RICTOR: variants seen among roughly 807,000 people sequenced by gnomAD.
The protein encoded by RICTOR is RPTOR independent companion of MTOR complex 2, also known as rapamycin-insensitive companion of mTOR.
Under a neutral mutation model 214.9 loss-of-function variants are expected in RICTOR, and 49 were observed. That is an observed-to-expected ratio of 0.23 (90% CI 0.18 to 0.29). The LOEUF is 0.29. Ranked by LOEUF, RICTOR falls within the 10% of genes least tolerant of loss-of-function variation. RICTOR has a pLI of 1.00. For synonymous variants in RICTOR, 717 were observed against 711.3 expected, an observed-to-expected ratio of 1.01 and a Z score of -0.13; for missense variants, 1,625 against 2,047.0, an observed-to-expected ratio of 0.79 and a Z score of 3.98.
chr5:39,045,664 T>C (rs1554010771), intron 2 of RICTOR, among the ~76,000 whole-genome samples: 1 of 152,302 alleles, frequency 6.6e-6, no homozygotes, highest in East Asian at 1.9e-4. Flanking sequence ...TCCAGTCTAT[T>C]AGAATTATTT....
At chr5:39,034,866 C>T (rs947256556) in intron 2 of RICTOR, among the ~76,000 whole-genome samples, 6 of 152,258 alleles carry the variant, frequency 3.9e-5, no homozygotes, top group African/African-American at 1.4e-4. Flanking sequence ...GCCTGCCTGC[C>T]TCTGTAGGCT....
At chr5:39,061,093 C>T (rs563926676) in intron 2 of RICTOR, among the ~76,000 whole-genome samples, 6 of 152,082 alleles carry the variant, frequency 3.9e-5, no homozygotes, top group South Asian at 2.1e-4. Context: ...TGTTCAAAGA[C>T]GATTAAACAT....
intron 2 of RICTOR, among the ~76,000 whole-genome samples, chr5:39,070,974 A>G (rs548902371): frequency 2.0e-5 from 3 of 152,360 alleles, no homozygotes; most frequent in African/African-American, 7.2e-5. Flanking sequence ...CGCTGACTGT[A>G]AAGTCTACTA....
chr5:39,043,733 G>A (rs1757315855), intron 2 of RICTOR, among the ~76,000 whole-genome samples: 1 of 152,166 alleles, frequency 6.6e-6, no homozygotes, highest in Non-Finnish European at 1.5e-5. Context: ...GTGGGGTCTT[G>A]AAGAGGTGAC....
In RICTOR at chr5:38,956,170, C is replaced by T. The variant is rs547408498; in HGVS notation, c.2500-466G>A. On this transcript the variant is annotated intron_variant, in intron 25 of 37. Transcript: ENST00000357387. Reference sequence around the variant, plus strand: ...ATGCGTCCTCATCTAATCAACCTAACTACCAGTGAAGTTCAGGCACTCATC... The same window carrying T: ...ATGCGTCCTCATCTAATCAACCTAATTACCAGTGAAGTTCAGGCACTCATC... Among the ~76,000 whole-genome samples, 6 of 152,182 alleles carry T rather than the reference C, an allele frequency of 3.9e-5. No individual in the cohort carries two copies. In the South Asian group the frequency reaches 1.2e-3, roughly 32 times the overall value.
In RICTOR at chr5:38,962,470, A is replaced by G; in HGVS notation, c.1668+15T>C. The G allele has an allele frequency of 7.5e-7, 1 of 1,335,400 alleles. No individual in the cohort carries two copies. The highest frequency in any genetic ancestry group is 1.1e-6 in the Non-Finnish European group (1 of 950,532). 82.7% of individuals were successfully genotyped at this position (1,335,400 alleles called of 1,614,324 possible). A position where few individuals can be genotyped will look rare whatever the true frequency, so the allele number is the denominator to read the frequency against. On this transcript the variant is annotated intron_variant, in intron 18 of 37. Transcript: ENST00000357387. ...AATTAAAGACAAGCCATTACCATGA[A>G]GTATCTTTTCATACCTTAAGAATGG...
intron 22 of RICTOR, 103 bp from the exon 23 acceptor site, chr5:38,958,934 G>A: frequency 2.3e-6 from 2 of 858,892 alleles, no homozygotes; most frequent in South Asian, 2.6e-5. Context: ...AGGGAAGAAT[G>A]CCTGGAATTG....
At chr5:39,052,606 A>G (rs1019485127) in intron 2 of RICTOR, among the ~76,000 whole-genome samples, 1 of 152,208 alleles carries the variant, frequency 6.6e-6, no homozygotes, top group African/African-American at 2.4e-5. Context: ...AAGGTTTCCC[A>G]TAATTTGCAG....
chr5:39,066,811 C>T (rs1455467621), intron 2 of RICTOR, among the ~76,000 whole-genome samples: 4 of 152,218 alleles, frequency 2.6e-5, no homozygotes, highest in African/African-American at 4.8e-5. Context: ...AAGTGCTTTG[C>T]TAAAGCATAA....
At chr5:38,968,527 T>A (rs895788311) in intron 11 of RICTOR, among the ~76,000 whole-genome samples, 1 of 151,604 alleles carries the variant, frequency 6.6e-6, no homozygotes, top group African/African-American at 2.4e-5. Context: ...GAGGACTGCT[T>A]GAGGCCAGAA....
chr5:39,025,917 C>G (rs998059497), intron 2 of RICTOR, among the ~76,000 whole-genome samples: 2 of 152,164 alleles, frequency 1.3e-5, no homozygotes, highest in African/African-American at 4.8e-5. Context: ...AGTCTGTCAA[C>G]CCTTAGAGTG....
intron 2 of RICTOR, among the ~76,000 whole-genome samples, chr5:39,073,586 G>A (rs1759484495): frequency 6.6e-6 from 1 of 152,202 alleles, no homozygotes; most frequent in Admixed American, 6.5e-5. Context: ...TCACTACCAA[G>A]TTATCAATGC....
At chr5:38,968,167 C>A in intron 11 of RICTOR, 137 bp from the exon 12 acceptor site, 1 of 612,396 alleles carries the variant, frequency 1.6e-6, no homozygotes, top group South Asian at 2.0e-5. Flanking sequence ...ATATTTTAGT[C>A]AATGATGGAC....
At chr5:39,051,921 TCTTA>T (rs995597848) in intron 2 of RICTOR, among the ~76,000 whole-genome samples, 14 of 152,236 alleles carry the variant, frequency 9.2e-5, no homozygotes, top group South Asian at 4.1e-4. Flanking sequence ...CTTAAAATTT[TCTTA>T]CTTTAAGATA....
chr5:38,944,907 A>T lies in RICTOR; in HGVS notation c.4789+6T>A. ...ATAATGATTGGATTTGAATCTGAAG[A>T]CTCACCTAGTAACAATTCTGTGCTT... is the stretch of plus-strand genomic sequence containing the variant. On this transcript the variant is annotated splice_donor_region_variant and intron_variant, in intron 35 of 37. Coordinates refer to ENST00000357387, the MANE Select transcript of RICTOR (RefSeq NM_152756.5). The T allele has an allele frequency of 1.2e-6, 2 of 1,612,406 alleles. No homozygotes were observed. The highest frequency in any genetic ancestry group is 1.7e-6 in the Non-Finnish European group (2 of 1,178,700).
In RICTOR at chr5:38,942,845, T is replaced by C. The variant is rs144933042; in HGVS notation, c.5040A>G (p.Val1680=). 1.9e-5 allele frequency: 30 copies of C among 1,608,406 alleles called. No homozygotes were observed. Among genetic ancestry groups the C allele is most frequent in the Non-Finnish European group, 2.4e-5 (28 of 1,174,806 alleles). ...RRFIQELFQD[V]QFLQMHEEAE... ...TAATCATACTTACTTGTAGAAACTG[T>C]ACATCTTGAAATAATTCTTGTATGA... The change falls in exon 37 of 38, where the codon GTA becomes GTG. Residue 1680 remains valine (V), a synonymous_variant. Transcript: ENST00000357387.
intron 3 of RICTOR, among the ~76,000 whole-genome samples, chr5:39,010,761 T>C (rs1754444207): frequency 6.6e-6 from 1 of 152,168 alleles, no homozygotes; most frequent in Non-Finnish European, 1.5e-5. Flanking sequence ...ATTTAGGGTA[T>C]CTGGTGGAAA....
In RICTOR at chr5:39,002,558, C is replaced by A; in HGVS notation, c.369G>T (p.Leu123Phe). Reference protein sequence around the residue: ...DSSILQKVLKLKVDYLIARCI... With the variant: ...DSSILQKVLKFKVDYLIARCI... ...ACCTAGCTATTAAATAGTCCACTTTCAATTTTAGCACCTTCTGGAGAATAC... is the reference window on the plus strand; with the variant it reads ...ACCTAGCTATTAAATAGTCCACTTTAAATTTTAGCACCTTCTGGAGAATAC... The change falls in exon 5 of 38, where the codon TTG becomes TTT. Residue 123 changes from leucine (L) to phenylalanine (F), a missense_variant. This residue lies in a region of RICTOR where 258 missense variants were observed against 393.7 expected (regional missense o/e 0.66). Coordinates refer to ENST00000357387, the MANE Select transcript of RICTOR (RefSeq NM_152756.5). 6.2e-7 allele frequency: 1 copy of A among 1,609,152 alleles called. No homozygotes were observed. The highest frequency in any genetic ancestry group is 1.1e-5 in the South Asian group (1 of 90,290).
At chr5:38,999,720 CAACA>C (rs1158375332) in intron 5 of RICTOR, among the ~76,000 whole-genome samples, 1 of 151,922 alleles carries the variant, frequency 6.6e-6, no homozygotes, top group Non-Finnish European at 1.5e-5. Context: ...AGTAATGAGA[CAACA>C]AACTCATAAA....
Sources: gnomAD v4.1 joint callset for allele counts (sites outside exome capture counted in the v4.1 genomes callset) on GRCh38, gnomAD v4.1.1 for gene constraint, gnomAD v4.1.1 regional missense constraint, MANE v1.5 for transcripts, NCBI Gene and HGNC (gene_info 2026-07-23, HGNC 2026-07-21) for gene names.